Variants in TTC13 observed in about 807,000 individuals in gnomAD.
TTC13 encodes tetratricopeptide repeat domain 13, also known as tetratricopeptide repeat protein 13.
A neutral mutation model predicts 120.0 loss-of-function variants in TTC13; 62 were observed. The ratio of observed to expected loss-of-function variants is 0.52; its 90% confidence interval spans 0.42 to 0.64. The LOEUF is 0.64. Among genes scored for constraint, TTC13 ranks in the 30% least tolerant of loss-of-function variants. The probability of loss-of-function intolerance (pLI) is 0.00; values close to 1 mark genes in which losing one functional copy is unlikely to be tolerated. For missense variants in TTC13, 824 were observed against 1,050.2 expected, an observed-to-expected ratio of 0.78 and a Z score of 2.98; for synonymous variants, 384 against 393.5, an observed-to-expected ratio of 0.98 and a Z score of 0.28.
At chr1:230,969,825 T>C (rs1014503257) in intron 1 of TTC13, among the ~76,000 whole-genome samples, 1 of 152,212 alleles carries the variant, frequency 6.6e-6, no homozygotes, top group Admixed American at 6.5e-5. Flanking sequence ...TATAAAGCCC[T>C]GTGCACAGAA....
chr1:230,949,397 T>C (rs1433659603), intron 4 of TTC13, among the ~76,000 whole-genome samples: 3 of 44,750 alleles, frequency 6.7e-5, no homozygotes, highest in Admixed American at 2.8e-4. Flanking sequence ...TAATAAAAAT[T>C]TTAAATTAAA....
At chr1:230,964,550 T>A (rs1430012611) in intron 1 of TTC13, among the ~76,000 whole-genome samples, 1 of 152,220 alleles carries the variant, frequency 6.6e-6, no homozygotes, top group Non-Finnish European at 1.5e-5. Flanking sequence ...TTTTAAGTCA[T>A]CTAAACCTAT....
rs1260468311 is a variant in TTC13, at chr1:230,969,584, AT to A, written c.272-8282del. Among the ~76,000 whole-genome samples, 4 of 152,358 alleles carry A rather than the reference AT, an allele frequency of 2.6e-5. No individual in the cohort carries two copies. In the East Asian group the frequency reaches 7.7e-4, roughly 29 times the overall value. On this transcript the variant is annotated intron_variant, in intron 1 of 22. Transcript: ENST00000366661. ...CAGTATTTTCAAAGAACTAGGTCTT[AT>A]ATTTAATTCTAGTATTTCTCTGACT...
intron 1 of TTC13, among the ~76,000 whole-genome samples, chr1:230,969,045 T>C (rs10779799): frequency 0.73 from 110,418 of 151,938 alleles, 40,606 homozygotes; most frequent in African/African-American, 0.84. Context: ...GAGGCTGAGG[T>C]GGGCGGATCA....
At chr1:230,928,841 C>A (rs1673278504) in intron 12 of TTC13, 96 bp downstream of exon 12, 2 of 1,342,834 alleles carry the variant, frequency 1.5e-6, no homozygotes, top group Admixed American at 1.9e-5. Flanking sequence ...TTCTACCTCA[C>A]CCTCCCAAGT....
rs775127208 is a variant in TTC13 at position 230,933,769 on chromosome 1, T to C, written c.983+10A>G. The C allele has an allele frequency of 6.5e-7, 1 of 1,547,852 alleles. No homozygotes were observed. Among genetic ancestry groups the C allele is most frequent in the Middle Eastern group, 1.7e-4 (1 of 5,876 alleles). ...CTCCCTCCTACCCCAACTGTTATTA[T>C]TTTACTCACCTATATGCCTGCCCTA... On this transcript the variant is annotated intron_variant, in intron 9 of 22. Coordinates refer to ENST00000366661, the MANE Select transcript of TTC13 (RefSeq NM_024525.5).
intron 8 of TTC13, chr1:230,936,304 C>A (rs540871249): frequency 1.3e-5 from 6 of 450,168 alleles, no homozygotes; most frequent in Non-Finnish European, 2.7e-5. Flanking sequence ...GATTTTAAGG[C>A]GTTGGGAACA....
At chr1:230,951,325 G>A (rs1675554450) in intron 4 of TTC13, among the ~76,000 whole-genome samples, 1 of 151,082 alleles carries the variant, frequency 6.6e-6, no homozygotes, top group African/African-American at 2.4e-5. Context: ...TCTATAAACA[G>A]AATAATATTC....
chr1:230,964,838 G>A (rs1033967806), intron 1 of TTC13, among the ~76,000 whole-genome samples: 2 of 152,258 alleles, frequency 1.3e-5, no homozygotes, highest in African/African-American at 4.8e-5. Flanking sequence ...CGCCTACAGT[G>A]AACTCATTTT....
Position 230,944,654 on chromosome 1 carries a change from T to A in TTC13, c.579+735A>T, listed in dbSNP as rs1206599449. Among the ~76,000 whole-genome samples the A allele has an allele frequency of 6.6e-6, 1 of 152,144 alleles. No individual in the cohort carries two copies. Among genetic ancestry groups the A allele is most frequent in the Non-Finnish European group, 1.5e-5 (1 of 68,032 alleles). On this transcript the variant is annotated intron_variant, in intron 5 of 22. Transcript: ENST00000366661. This position sits in a 1 kb window ranked among gnomAD's most constrained non-coding sequence, Gnocchi z 4.0. ...GTATAATATTAATTGTAATATTTTATAAATTGTAATAAAATAAAAATGTTA... is the reference window on the plus strand; with the variant it reads ...GTATAATATTAATTGTAATATTTTAAAAATTGTAATAAAATAAAAATGTTA...
intron 4 of TTC13, among the ~76,000 whole-genome samples, chr1:230,947,011 G>C (rs990024637): frequency 6.6e-6 from 1 of 151,982 alleles, no homozygotes; most frequent in Non-Finnish European, 1.5e-5. Context: ...TCTGGGGAGT[G>C]AGATTACTAG....
chr1:230,912,033 T>C (rs1482281848), intron 19 of TTC13, among the ~76,000 whole-genome samples: 1 of 152,044 alleles, frequency 6.6e-6, no homozygotes, highest in African/African-American at 2.4e-5. Context: ...AGAAATAAGG[T>C]GACTTTTCAA....
In TTC13 at chr1:230,909,491, G is replaced by C. The variant is rs536086152; in HGVS notation, c.2310-471C>G. On this transcript the variant is annotated intron_variant, in intron 20 of 22. Transcript: ENST00000366661. The stretch of plus-strand genomic sequence containing the variant: ...AACAAAAATACAAAAAATTATCCAG[G>C]AGTGGTGGCATGTGCCTGTAGTCCC... Among the ~76,000 whole-genome samples the C allele has an allele frequency of 2.4e-4, 37 of 152,322 alleles. No homozygotes were observed. In the East Asian group the frequency reaches 6.9e-3, roughly 29 times the overall value.
chr1:230,974,076 CAAA>C (rs56139200), intron 1 of TTC13, among the ~76,000 whole-genome samples: 6 of 103,680 alleles, frequency 5.8e-5, no homozygotes, highest in Non-Finnish European at 4.1e-5. Context: ...TACTCCATCT[CAAA>C]AAAAAAAAAA....
At chr1:230,950,947 T>C (rs560149963) in intron 4 of TTC13, among the ~76,000 whole-genome samples, 3 of 152,322 alleles carry the variant, frequency 2.0e-5, no homozygotes, top group Admixed American at 6.5e-5. Context: ...TTCAGGGCAT[T>C]GGCATAGAAG....
chr1:230,939,693 A>G (rs1184384588), intron 7 of TTC13, among the ~76,000 whole-genome samples, 197 bp from the exon 8 acceptor site: 2 of 152,230 alleles, frequency 1.3e-5, no homozygotes, highest in Admixed American at 6.5e-5. Context: ...TTTTTTAAGA[A>G]AAGCGATTGT....
chr1:230,925,987 C>T (rs183855666), intron 12 of TTC13, among the ~76,000 whole-genome samples: 1 of 152,320 alleles, frequency 6.6e-6, no homozygotes, highest in Non-Finnish European at 1.5e-5. Flanking sequence ...AACCAAACCT[C>T]TGCCCTTTGT....
chr1:230,936,503 G>A, intron 8 of TTC13: 2 of 287,964 alleles, frequency 6.9e-6, no homozygotes, highest in Non-Finnish European at 1.4e-5. Context: ...GAAGACTGAT[G>A]GTGCTTGGGA....
intron 1 of TTC13, among the ~76,000 whole-genome samples, chr1:230,969,608 A>T (rs1258257958): frequency 6.6e-6 from 1 of 152,184 alleles, no homozygotes; most frequent in Non-Finnish European, 1.5e-5. Flanking sequence ...TATTTCTCTG[A>T]CTTCAAACTT....
Sources: allele counts gnomAD v4.1 joint callset (sites outside exome capture counted in the v4.1 genomes callset), GRCh38; gene constraint gnomAD v4.1.1; non-coding constraint Gnocchi (gnomAD v3.1); transcripts MANE v1.5; gene names NCBI Gene and HGNC (gene_info 2026-07-23, HGNC 2026-07-21).